The following WDR72 variants were observed in gnomAD, a reference collection of about 807,000 sequenced individuals.
WDR72 encodes the protein WD repeat-containing protein 72.
Under a neutral mutation model 124.2 loss-of-function variants are expected in WDR72, and 120 were observed. The observed-to-expected ratio is 0.97, with a 90% CI of 0.83 to 1.12. The LOEUF (loss-of-function observed/expected upper bound fraction) is 1.12. Among genes scored for constraint, WDR72 ranks in the 50% most tolerant of loss-of-function variants. The probability of loss-of-function intolerance (pLI) is 0.00; values close to 1 mark genes in which losing one functional copy is unlikely to be tolerated. For synonymous variants in WDR72, 452 were observed against 441.7 expected (o/e 1.02, Z -0.29); for missense variants, 1,387 against 1,278.8 (o/e 1.08, Z -1.29).
chr15:53,721,836 C>T lies in WDR72; in HGVS notation c.260+966G>A, dbSNP rs577216328. Among the ~76,000 whole-genome samples the T allele has an allele frequency of 9.2e-5, 14 of 152,102 alleles. No individual in the cohort carries two copies. The South Asian group carries it at 2.9e-3, about 32-fold the overall frequency. On this transcript the variant is annotated intron_variant, in intron 3 of 19. Coordinates refer to ENST00000360509, the MANE Select transcript of WDR72 (RefSeq NM_182758.4). Reference sequence around the variant, plus strand: ...CCTGAGTATATTTTGGAAAATAACTCATCAGGAGCCTAGTTCATAGTATTT... The same window carrying T: ...CCTGAGTATATTTTGGAAAATAACTTATCAGGAGCCTAGTTCATAGTATTT...
Position 53,616,063 on chromosome 15 carries a change from T to A in WDR72, c.2143A>T (p.Arg715Ter). Reference protein sequence around the residue: ...SSFYGGEVLRRAKSTVEKKTL... With the variant: ...SSFYGGEVLR Reference sequence around the variant, plus strand: ...TTCTTCTCCACTGTGCTCTTGGCTCTTCTCAGGACCTCACCACCATAGAAT... The same window carrying A: ...TTCTTCTCCACTGTGCTCTTGGCTCATCTCAGGACCTCACCACCATAGAAT... Residue 715 changes from arginine (R) to a stop codon, truncating the protein, a stop_gained, in exon 15 of 20, where the codon AGA becomes TGA. Transcript: ENST00000360509. LOFTEE classifies it high-confidence loss of function. The A allele has an allele frequency of 1.2e-6, 2 of 1,610,994 alleles. No individual in the cohort carries two copies. The highest frequency in any genetic ancestry group is 1.7e-6 in the Non-Finnish European group (2 of 1,178,184).
chr15:53,654,348 C>G (rs1567007555), intron 14 of WDR72, among the ~76,000 whole-genome samples: 1 of 152,114 alleles, frequency 6.6e-6, no homozygotes, highest in Admixed American at 6.5e-5. Context: ...ATTTATTATA[C>G]CCTTTATACA....
intron 14 of WDR72, among the ~76,000 whole-genome samples, chr15:53,649,427 A>G (rs2015154971): frequency 6.6e-6 from 1 of 152,154 alleles, no homozygotes; most frequent in Non-Finnish European, 1.5e-5. Flanking sequence ...ATATAAAGAA[A>G]GCAATTTTAT....
At chr15:53,676,039 A>T (rs1371450760) in intron 13 of WDR72, among the ~76,000 whole-genome samples, 1 of 152,110 alleles carries the variant, frequency 6.6e-6, no homozygotes, top group Admixed American at 6.5e-5. Context: ...GGCTCAGGGT[A>T]CCCTCACTAT....
intron 18 of WDR72, among the ~76,000 whole-genome samples, chr15:53,569,188 A>T (rs1313310489): frequency 6.6e-6 from 1 of 152,020 alleles, no homozygotes; most frequent in African/African-American, 2.4e-5. Context: ...TAGCCAGCCT[A>T]TCCCTGCCTT....
At chr15:53,751,507 T>G (rs138104502) in intron 1 of WDR72, among the ~76,000 whole-genome samples, 4 of 152,344 alleles carry the variant, frequency 2.6e-5, no homozygotes, top group African/African-American at 9.6e-5. Context: ...TATTATCGTA[T>G]ACTTAATAGG....
chr15:53,576,191 A>G (rs1894749479), intron 18 of WDR72, among the ~76,000 whole-genome samples: 1 of 152,094 alleles, frequency 6.6e-6, no homozygotes, highest in Non-Finnish European at 1.5e-5. Flanking sequence ...TCTAATCCCC[A>G]TCTAGCCCTT....
chr15:53,579,537 G>C (rs565577143), intron 18 of WDR72, among the ~76,000 whole-genome samples: 1 of 152,132 alleles, frequency 6.6e-6, no homozygotes, highest in South Asian at 2.1e-4. Flanking sequence ...CAGAGGGAAT[G>C]GGCGAAATAC....
At chr15:53,721,572 A>G (rs936930474) in intron 3 of WDR72, among the ~76,000 whole-genome samples, 1 of 152,204 alleles carries the variant, frequency 6.6e-6, no homozygotes, top group Non-Finnish European at 1.5e-5. Context: ...AAATATTACA[A>G]TTAATGATTT....
At chr15:53,540,632 C>T (rs62005875) in intron 18 of WDR72, among the ~76,000 whole-genome samples, 12,695 of 149,086 alleles carry the variant, frequency 0.085, 668 homozygotes, top group East Asian at 0.25. Context: ...AAAAGAAGAA[C>T]AGGAGGAGCC....
chr15:53,546,229 G>T (rs1173860621), intron 18 of WDR72, among the ~76,000 whole-genome samples: 1 of 151,286 alleles, frequency 6.6e-6, no homozygotes, highest in South Asian at 2.1e-4. Flanking sequence ...GTTTATTGCG[G>T]CATTATTCAC....
At chr15:53,638,146 A>C (rs962398728) in intron 14 of WDR72, among the ~76,000 whole-genome samples, 5 of 152,214 alleles carry the variant, frequency 3.3e-5, no homozygotes, top group African/African-American at 1.2e-4. Flanking sequence ...TTTACTATCA[A>C]CACTTCAACA....
rs566743495 is a variant in WDR72 at position 53,518,380 on chromosome 15, C to T, written c.3254-626G>A. ...GAATAGTAACTTTCACTCCTACTGG[C>T]AAAAACTATGGTTTAGTTAAACCAG... On this transcript the variant is annotated intron_variant, in intron 19 of 19. Coordinates refer to ENST00000360509, the MANE Select transcript of WDR72 (RefSeq NM_182758.4). 2.6e-5 allele frequency among the ~76,000 whole-genome samples: 4 copies of T among 152,096 alleles called. 1 individual carries two copies. In the East Asian group the frequency reaches 7.7e-4, roughly 29 times the overall value.
rs147855544 is a variant in WDR72, at chr15:53,727,034, A to T, written c.154-4126T>A. On this transcript the variant is annotated intron_variant, in intron 2 of 19. Transcript: ENST00000360509. The stretch of plus-strand genomic sequence containing the variant: ...ATAATAAACCAAACATCGCCCCGGC[A>T]CGGTCGGTGGCTCATGCCTGTAATC... Among the ~76,000 whole-genome samples the T allele has an allele frequency of 2.7e-3, 407 of 152,148 alleles. 4 individuals carry two copies. The highest frequency in any genetic ancestry group is 9.5e-3 in the African/African-American group (394 of 41,528).
rs556775387 is a variant in WDR72 at position 53,627,593 on chromosome 15, AAATGTTTT to A, written c.1963-11358_1963-11351del. Among the ~76,000 whole-genome samples the A allele has an allele frequency of 2.5e-3, 378 of 152,350 alleles. 6 individuals are homozygous for A. Among genetic ancestry groups the A allele is most frequent in the African/African-American group, 8.7e-3 (362 of 41,598 alleles). On this transcript the variant is annotated intron_variant, in intron 14 of 19. Transcript: ENST00000360509. ...AACTAACTCAGAAGCTTCAAATGAA[AAATGTTTT>A]AATGTAAAGTGTATAAGTTAGGCCT...
At chr15:53,680,087 G>A (rs1370063130) in intron 13 of WDR72, among the ~76,000 whole-genome samples, 1 of 152,090 alleles carries the variant, frequency 6.6e-6, no homozygotes, top group Non-Finnish European at 1.5e-5. Flanking sequence ...TTTTGGCTAA[G>A]AGAATGTAGG....
intron 13 of WDR72, among the ~76,000 whole-genome samples, chr15:53,679,136 G>C (rs758853650): frequency 6.6e-6 from 1 of 152,190 alleles, no homozygotes; most frequent in African/African-American, 2.4e-5. Flanking sequence ...AAGTAGAATA[G>C]CAGTTGCTAG....
intron 13 of WDR72, among the ~76,000 whole-genome samples, chr15:53,686,995 C>G (rs2016656853): frequency 6.6e-6 from 1 of 151,230 alleles, no homozygotes; most frequent in Non-Finnish European, 1.5e-5. Context: ...CGGAAATAAA[C>G]ATGTTCTTTG....
intron 18 of WDR72, among the ~76,000 whole-genome samples, chr15:53,566,717 A>G (rs191459476): frequency 2.0e-3 from 306 of 152,126 alleles, no homozygotes; most frequent in African/African-American, 7.2e-3. Flanking sequence ...AGGAAAACCC[A>G]AAGAAAATGT....
Sources: allele counts gnomAD v4.1 joint callset (sites outside exome capture counted in the v4.1 genomes callset), GRCh38; gene constraint gnomAD v4.1.1; transcripts MANE v1.5; gene names NCBI Gene and HGNC (gene_info 2026-07-23, HGNC 2026-07-21).